TLCD4: variants seen among roughly 807,000 people sequenced by gnomAD.
TLCD4 encodes TLC domain containing 4.
In TLCD4, 7 loss-of-function variants were observed where a neutral mutation model predicts 24.2. That is an observed-to-expected ratio of 0.29 (90% confidence interval 0.16 to 0.54). TLCD4 has a LOEUF of 0.54. TLCD4 is among the 20% of genes least tolerant of loss of function. The pLI, the probability that TLCD4 is intolerant of heterozygous loss-of-function variation, is 0.95. For missense variants in TLCD4, 259 were observed against 313.9 expected (o/e 0.82, Z 1.32); for synonymous variants, 103 against 106.4 (o/e 0.97, Z 0.20).
At chr1:95,166,449 A>G (rs1678020088) in intron 5 of TLCD4, among the ~76,000 whole-genome samples, 1 of 152,178 alleles carries the variant, frequency 6.6e-6, no homozygotes, top group Admixed American at 6.5e-5. Context: ...TTCATCCTGG[A>G]TGCTTTTCTG....
At chr1:95,156,555 A>G (rs1052702979) in intron 5 of TLCD4, among the ~76,000 whole-genome samples, 12 of 152,166 alleles carry the variant, frequency 7.9e-5, no homozygotes, top group African/African-American at 2.4e-4. Context: ...TGATGATGAT[A>G]TGCAGAAAAA....
At chr1:95,094,943 A>G in the TLCD4 span, among the ~76,000 whole-genome samples, 2 of 152,222 alleles carry the variant, frequency 1.3e-5, no homozygotes, top group Non-Finnish European at 2.9e-5. Context: ...TTGTGCATCC[A>G]TGAGTATGAG....
chr1:95,175,305 C>CAAAA (rs1678382627), intron 6 of TLCD4, among the ~76,000 whole-genome samples: 2 of 152,098 alleles, frequency 1.3e-5, no homozygotes, highest in African/African-American at 4.8e-5. Context: ...CCTTTTGTGC[C>CAAAA]TGGCTTATTT....
chr1:95,093,700 A>G, the TLCD4 span, among the ~76,000 whole-genome samples: 270 of 152,318 alleles, frequency 1.8e-3, no homozygotes, highest in African/African-American at 6.3e-3. Flanking sequence ...TTACCTGCAT[A>G]TTGACAATTC....
At chr1:95,132,244 C>T (rs1676916743) in intron 1 of TLCD4, among the ~76,000 whole-genome samples, 1 of 152,040 alleles carries the variant, frequency 6.6e-6, no homozygotes, top group African/African-American at 2.4e-5. Flanking sequence ...CACTAGAGGC[C>T]AGGAGTTCGA....
chr1:95,135,072 G>A (rs956429696), intron 1 of TLCD4, among the ~76,000 whole-genome samples: 5 of 152,174 alleles, frequency 3.3e-5, no homozygotes, highest in Admixed American at 1.3e-4. Flanking sequence ...CCATGATGGT[G>A]TATATACTTA....
intron 6 of TLCD4, among the ~76,000 whole-genome samples, chr1:95,184,286 C>T (rs1678753390): frequency 1.3e-5 from 2 of 152,168 alleles, no homozygotes; most frequent in Non-Finnish European, 2.9e-5. Flanking sequence ...TGACTCTCAA[C>T]TCCTCTAAAA....
chr1:95,094,103 C>G, the TLCD4 span, among the ~76,000 whole-genome samples: 1 of 152,170 alleles, frequency 6.6e-6, no homozygotes, highest in African/African-American at 2.4e-5. Context: ...TGGAAAGTTC[C>G]TGTCATCATG....
At chr1:95,140,185 A>G (rs1677159984) in intron 1 of TLCD4, among the ~76,000 whole-genome samples, 1 of 152,202 alleles carries the variant, frequency 6.6e-6, no homozygotes, top group African/African-American at 2.4e-5. Flanking sequence ...AGCCAGTAAC[A>G]TAGTCATTTA....
intron 6 of TLCD4, among the ~76,000 whole-genome samples, chr1:95,185,268 AG>A (rs1292696192): frequency 1.3e-5 from 2 of 152,182 alleles, no homozygotes; most frequent in African/African-American, 4.8e-5. Context: ...AATTTATAGA[AG>A]GGGAACTTGG....
chr1:95,187,428 G>T (rs1430857223), intron 6 of TLCD4, among the ~76,000 whole-genome samples: 1 of 152,088 alleles, frequency 6.6e-6, no homozygotes, highest in Non-Finnish European at 1.5e-5. Flanking sequence ...CCTGTCTCTG[G>T]TGACCTTGAC....
the TLCD4 span, among the ~76,000 whole-genome samples, chr1:95,111,198 G>T: frequency 6.6e-6 from 1 of 151,972 alleles, no homozygotes; most frequent in South Asian, 2.1e-4. Flanking sequence ...GGAGGCTGAG[G>T]TGGGAGGATT....
upstream of TLCD4, among the ~76,000 whole-genome samples, chr1:95,113,207 T>C (rs1676371427): frequency 6.7e-6 from 1 of 148,188 alleles, no homozygotes; most frequent in Non-Finnish European, 1.5e-5. Context: ...TAAGCCCAGC[T>C]ACTTTTCGTA....
At chr1:95,096,773 A>T in the TLCD4 span, among the ~76,000 whole-genome samples, 4 of 152,100 alleles carry the variant, frequency 2.6e-5, no homozygotes, top group African/African-American at 9.7e-5. Flanking sequence ...CCTTTTTGAT[A>T]TAGCAGTGCA....
intron 1 of TLCD4, among the ~76,000 whole-genome samples, chr1:95,137,621 A>G (rs1395523946): frequency 2.6e-5 from 4 of 151,940 alleles, no homozygotes; most frequent in Admixed American, 2.0e-4. Flanking sequence ...TGTTTTTTCT[A>G]AAGTCAATTT....
At chr1:95,100,606 G>T in the TLCD4 span, among the ~76,000 whole-genome samples, 1 of 151,626 alleles carries the variant, frequency 6.6e-6, no homozygotes, top group Non-Finnish European at 1.5e-5. Context: ...AAAAGAAAAA[G>T]AAAATTCTAC....
intron 1 of TLCD4, among the ~76,000 whole-genome samples, chr1:95,136,848 A>C (rs1677056197): frequency 6.6e-6 from 1 of 152,198 alleles, no homozygotes; most frequent in Non-Finnish European, 1.5e-5. Context: ...AAGATGGGGC[A>C]GTATTGTGGA....
chr1:95,157,197 C>T (rs1677656702), intron 5 of TLCD4, among the ~76,000 whole-genome samples: 1 of 152,090 alleles, frequency 6.6e-6, no homozygotes, highest in South Asian at 2.1e-4. Flanking sequence ...AATCTCACAA[C>T]CTATATAATT....
chr1:95,178,835 T>G (rs1193769506), intron 6 of TLCD4, among the ~76,000 whole-genome samples: 1 of 152,202 alleles, frequency 6.6e-6, no homozygotes, highest in Non-Finnish European at 1.5e-5. Context: ...TTTTGTTCTC[T>G]TAGGTGGCAC....
Sources: gnomAD v4.1 joint callset for allele counts (sites outside exome capture counted in the v4.1 genomes callset) on GRCh38, gnomAD v4.1.1 for gene constraint, MANE v1.5 for transcripts, NCBI Gene and HGNC (gene_info 2026-07-23, HGNC 2026-07-21) for gene names.